HEMK2: variants seen among roughly 807,000 people sequenced by gnomAD.
HEMK2 encodes methyltransferase HEMK2.
the HEMK2 span, among the ~76,000 whole-genome samples, chr21:28,589,988 C>T: frequency 2.0e-5 from 3 of 152,182 alleles, no homozygotes; most frequent in Admixed American, 1.3e-4. Flanking sequence ...CTTTCCCACA[C>T]ATTTCCAGAT....
the HEMK2 span, among the ~76,000 whole-genome samples, chr21:28,632,676 C>T: frequency 1.3e-5 from 2 of 152,162 alleles, no homozygotes; most frequent in Non-Finnish European, 2.9e-5. Flanking sequence ...GTTCTTATAA[C>T]TTTTGGCTTA....
At chr21:28,856,689 C>T in the HEMK2 span, among the ~76,000 whole-genome samples, 39,446 of 152,070 alleles carry the variant, frequency 0.26, 5,881 homozygotes, top group African/African-American at 0.4. Context: ...AGGAGCAGCA[C>T]AGAGCCAGGG....
the HEMK2 span, among the ~76,000 whole-genome samples, chr21:28,708,774 T>C: frequency 2.6e-5 from 4 of 152,308 alleles, no homozygotes; most frequent in Middle Eastern, 3.4e-3. Flanking sequence ...CTGTGACCTC[T>C]ATAAAGGCAT....
chr21:28,827,357 A>C, the HEMK2 span, among the ~76,000 whole-genome samples: 11 of 152,170 alleles, frequency 7.2e-5, no homozygotes, highest in Non-Finnish European at 1.2e-4. Flanking sequence ...TCCTTCTCAG[A>C]AGCTTCTTCT....
the HEMK2 span, among the ~76,000 whole-genome samples, chr21:28,863,468 A>ATC: frequency 1.3e-5 from 1 of 79,654 alleles, no homozygotes; most frequent in African/African-American, 4.0e-5. Context: ...ATATATATAT[A>ATC]TACTTCATTA....
chr21:28,580,851 G>C, the HEMK2 span, among the ~76,000 whole-genome samples: 1 of 152,078 alleles, frequency 6.6e-6, no homozygotes, highest in African/African-American at 2.4e-5. Flanking sequence ...TTCCCAACTA[G>C]AAAGTAAAGT....
At chr21:28,735,953 T>C in the HEMK2 span, among the ~76,000 whole-genome samples, 1 of 152,336 alleles carries the variant, frequency 6.6e-6, no homozygotes, top group South Asian at 2.1e-4. Context: ...AGCCTGGGCT[T>C]GACCGGCTCA....
At chr21:28,678,411 C>T in the HEMK2 span, among the ~76,000 whole-genome samples, 15 of 152,156 alleles carry the variant, frequency 9.9e-5, no homozygotes, top group African/African-American at 3.6e-4. Flanking sequence ...ACCAAATCTA[C>T]GTCTGATTGG....
the HEMK2 span, among the ~76,000 whole-genome samples, chr21:28,714,161 T>C: frequency 6.6e-6 from 1 of 152,240 alleles, no homozygotes; most frequent in African/African-American, 2.4e-5. Context: ...TCCATAAAAA[T>C]AGCCTTCTAA....
the HEMK2 span, among the ~76,000 whole-genome samples, chr21:28,857,443 TTTCTG>T: frequency 6.6e-6 from 1 of 151,858 alleles, no homozygotes; most frequent in African/African-American, 2.4e-5. Context: ...GTATGATTCT[TTTCTG>T]TATAACTTTT....
At chr21:28,676,136 C>T in the HEMK2 span, among the ~76,000 whole-genome samples, 1 of 152,150 alleles carries the variant, frequency 6.6e-6, no homozygotes, top group African/African-American at 2.4e-5. Flanking sequence ...TTTAGGGCTG[C>T]CATAACAAAC....
At chr21:28,775,538 T>C in the HEMK2 span, among the ~76,000 whole-genome samples, 191 of 152,212 alleles carry the variant, frequency 1.3e-3, 1 homozygote, top group African/African-American at 4.4e-3. Flanking sequence ...GATAGATTGA[T>C]AGAAAGAATG....
chr21:28,791,208 G>C, the HEMK2 span, among the ~76,000 whole-genome samples: 1 of 152,082 alleles, frequency 6.6e-6, no homozygotes, highest in Non-Finnish European at 1.5e-5. Context: ...TGTGTGGGTA[G>C]AACACAGGCA....
chr21:28,726,711 C>T, the HEMK2 span, among the ~76,000 whole-genome samples: 2 of 152,118 alleles, frequency 1.3e-5, no homozygotes, highest in Admixed American at 6.5e-5. Flanking sequence ...AGTTCGAGAC[C>T]AGCCTGGCCA....
At chr21:28,582,603 G>A in the HEMK2 span, among the ~76,000 whole-genome samples, 5 of 152,130 alleles carry the variant, frequency 3.3e-5, no homozygotes, top group Admixed American at 6.5e-5. Context: ...CCCTCCCAGA[G>A]GACTAAGAAA....
chr21:28,665,331 T>C, the HEMK2 span, among the ~76,000 whole-genome samples: 5 of 93,820 alleles, frequency 5.3e-5, no homozygotes, highest in Admixed American at 5.5e-4. Flanking sequence ...CTTATTTATA[T>C]TTCTTTTTTT....
the HEMK2 span, among the ~76,000 whole-genome samples, chr21:28,623,825 G>A: frequency 6.6e-6 from 1 of 152,186 alleles, no homozygotes; most frequent in African/African-American, 2.4e-5. Context: ...ACACACTGGG[G>A]CCTGTAGGAG....
chr21:28,628,505 G>A, the HEMK2 span, among the ~76,000 whole-genome samples: 1 of 152,176 alleles, frequency 6.6e-6, no homozygotes, highest in Admixed American at 6.6e-5. Context: ...AGGCTGGAGT[G>A]CAATGGCACG....
the HEMK2 span, among the ~76,000 whole-genome samples, chr21:28,877,160 G>GAGAA: frequency 2.5e-5 from 3 of 118,668 alleles, no homozygotes; most frequent in East Asian, 2.7e-4. Flanking sequence ...GAGAAAGAAA[G>GAGAA]AGAAAGAAAG....
Sources: allele counts gnomAD v4.1 joint callset (sites outside exome capture counted in the v4.1 genomes callset), GRCh38; gene constraint gnomAD v4.1.1; transcripts MANE v1.5; gene names NCBI Gene and HGNC (gene_info 2026-07-23, HGNC 2026-07-21).